Variants in OSBP2 observed in about 807,000 individuals in gnomAD.
The protein encoded by OSBP2 is oxysterol-binding protein 2.
A neutral mutation model predicts 96.0 loss-of-function variants in OSBP2; 66 were observed. The observed-to-expected ratio is 0.69, with a 90% CI of 0.56 to 0.84. The LOEUF is 0.84. OSBP2 is among the 40% of genes least tolerant of loss of function. The pLI, the probability that OSBP2 is intolerant of heterozygous loss-of-function variation, is 0.00. For missense variants in OSBP2, 1,038 were observed against 1,222.7 expected (o/e 0.85, Z 2.25); for synonymous variants, 525 against 520.9 (o/e 1.01, Z -0.11).
At chr22:30,770,850 G>T (rs1337045674) in intron 2 of OSBP2, among the ~76,000 whole-genome samples, 1 of 152,186 alleles carries the variant, frequency 6.6e-6, no homozygotes, top group African/African-American at 2.4e-5. Flanking sequence ...GCCATCTCTG[G>T]CTCCAGCTTC....
At chr22:30,826,879 G>A (rs901670280) in intron 2 of OSBP2, among the ~76,000 whole-genome samples, 3 of 152,150 alleles carry the variant, frequency 2.0e-5, no homozygotes, top group African/African-American at 7.2e-5. Context: ...ACTCAGGCTG[G>A]AGTCTTTCCT....
intron 3 of OSBP2, among the ~76,000 whole-genome samples, chr22:30,885,094 T>A (rs2039782081): frequency 6.6e-6 from 1 of 152,138 alleles, no homozygotes; most frequent in Admixed American, 6.5e-5. Flanking sequence ...CCACATCACC[T>A]CCTGATATTT....
chr22:30,768,864 C>T (rs192002194), intron 2 of OSBP2, among the ~76,000 whole-genome samples: 30 of 152,280 alleles, frequency 2.0e-4, no homozygotes, highest in African/African-American at 6.3e-4. Flanking sequence ...AGGTGTTAAC[C>T]TTCACGTGGA....
At chr22:30,855,744 A>C (rs947210652) in intron 2 of OSBP2, among the ~76,000 whole-genome samples, 9 of 152,136 alleles carry the variant, frequency 5.9e-5, no homozygotes, top group Admixed American at 5.9e-4. Flanking sequence ...CCACAGGGTG[A>C]CCTATTTAAG....
rs113757053 is a variant in OSBP2 at position 30,841,844 on chromosome 22, C to CA, written c.854-28576dup. 3.6e-3 allele frequency among the ~76,000 whole-genome samples: 547 copies of CA among 150,764 alleles called. 1 individual carries two copies. Among genetic ancestry groups the CA allele is most frequent in the African/African-American group, 0.011 (462 of 41,134 alleles). ...GAGAACTTGTCTGTACCAAAAACAA[C>CA]AAAAAAAAATAGCTGAGAGTTGTGG... On this transcript the variant is annotated intron_variant, in intron 2 of 13. Coordinates refer to ENST00000332585, the MANE Select transcript of OSBP2 (RefSeq NM_030758.4).
At chr22:30,705,729 CAGTG>C (rs1434696328) in intron 1 of OSBP2, among the ~76,000 whole-genome samples, 2 of 152,176 alleles carry the variant, frequency 1.3e-5, no homozygotes, top group Non-Finnish European at 2.9e-5. Flanking sequence ...ACGTTTGTGA[CAGTG>C]AGCCTGCACT....
chr22:30,703,613 G>T (rs975247043), intron 1 of OSBP2, among the ~76,000 whole-genome samples: 3 of 151,618 alleles, frequency 2.0e-5, no homozygotes, highest in Non-Finnish European at 4.4e-5. Flanking sequence ...GTAGCTGGGA[G>T]TACAGTCACC....
chr22:30,859,100 C>T (rs542883027), intron 2 of OSBP2, among the ~76,000 whole-genome samples: 2 of 152,086 alleles, frequency 1.3e-5, no homozygotes, highest in East Asian at 1.9e-4. Context: ...TCTCAGCTTG[C>T]GCTCCAGCAT....
chr22:30,697,621 A>G (rs1470588101), intron 1 of OSBP2, among the ~76,000 whole-genome samples: 1 of 152,182 alleles, frequency 6.6e-6, no homozygotes, highest in Non-Finnish European at 1.5e-5. Flanking sequence ...GGTAACTAAG[A>G]AAAATTCTTA....
In OSBP2 at chr22:30,895,916, AG is replaced by A. The variant is rs201864907; in HGVS notation, c.2375+1917del. Among the ~76,000 whole-genome samples, 1,219 of 146,408 alleles carry A rather than the reference AG, an allele frequency of 8.3e-3. 5 individuals are homozygous for A. The highest frequency in any genetic ancestry group is 0.018 in the Middle Eastern group (5 of 284). On this transcript the variant is annotated intron_variant, in intron 12 of 13. Coordinates refer to ENST00000332585, the MANE Select transcript of OSBP2 (RefSeq NM_030758.4). ...TCGTGCCACTGCACTCTAGCCTGGGAGGAAAAAAAAAAATGAAAACAGTATT... is the reference window on the plus strand; with the variant it reads ...TCGTGCCACTGCACTCTAGCCTGGGAGAAAAAAAAAAATGAAAACAGTATT...
intron 5 of OSBP2, 57 bp from the exon 6 acceptor site, chr22:30,889,120 G>C: frequency 6.7e-7 from 1 of 1,493,104 alleles, no homozygotes. Context: ...GGATGGGCCA[G>C]GTCCCAAGGA....
At chr22:30,776,856 AC>A (rs1350808846) in intron 2 of OSBP2, among the ~76,000 whole-genome samples, 2 of 152,212 alleles carry the variant, frequency 1.3e-5, no homozygotes, top group East Asian at 3.8e-4. Context: ...GACCATGGGA[AC>A]CCACCTCTTG....
chr22:30,890,984 T>C lies in OSBP2; in HGVS notation c.1869+11T>C, dbSNP rs374186797. On this transcript the variant is annotated intron_variant, in intron 8 of 13. Coordinates refer to ENST00000332585, the MANE Select transcript of OSBP2 (RefSeq NM_030758.4). This position sits in a 1 kb window ranked among gnomAD's most constrained non-coding sequence, Gnocchi z 4.4. ...TCCCTCTGTGAGCAGGTGAGGGGGCTAGGCTGGCACTGGGTGGCGCCCACC... is the reference window on the plus strand; with the variant it reads ...TCCCTCTGTGAGCAGGTGAGGGGGCCAGGCTGGCACTGGGTGGCGCCCACC... 4.4e-6 allele frequency: 7 copies of C among 1,601,590 alleles called. No homozygotes were observed. The East Asian group carries it at 1.6e-4, about 36-fold the overall frequency.
At chr22:30,821,583 G>A (rs12169136) in intron 2 of OSBP2, among the ~76,000 whole-genome samples, 1 of 152,106 alleles carries the variant, frequency 6.6e-6, no homozygotes. Flanking sequence ...ATGGGGGATG[G>A]GGGTGCGGGG....
Position 30,906,471 on chromosome 22 carries a change from T to G in OSBP2, c.*132T>G. On this transcript the variant is annotated 3_prime_UTR_variant, in exon 14 of 14. Coordinates refer to ENST00000332585, the MANE Select transcript of OSBP2 (RefSeq NM_030758.4). ...CTTCCTATTTCCTTTCCTATTTTTTTTTTCTCCCCACACTTTCTTGGGACT... is the reference window on the plus strand; with the variant it reads ...CTTCCTATTTCCTTTCCTATTTTTTGTTTCTCCCCACACTTTCTTGGGACT... 8.6e-7 allele frequency: 1 copy of G among 1,163,094 alleles called. No individual in the cohort carries two copies. Among genetic ancestry groups the G allele is most frequent in the Non-Finnish European group, 1.1e-6 (1 of 871,786 alleles). The allele number at this position is 1,163,094 out of a possible 1,614,324, so 72.0% of individuals were successfully genotyped here.
chr22:30,810,174 A>G (rs1005380253), intron 2 of OSBP2, among the ~76,000 whole-genome samples: 1 of 152,046 alleles, frequency 6.6e-6, no homozygotes, highest in Non-Finnish European at 1.5e-5. Context: ...AGACGATGGG[A>G]GAGAGGACTG....
chr22:30,850,499 T>G (rs912082864), intron 2 of OSBP2, among the ~76,000 whole-genome samples: 1 of 152,086 alleles, frequency 6.6e-6, no homozygotes, highest in African/African-American at 2.4e-5. Context: ...TTTTGGCTAT[T>G]CTTCATCCTT....
At chr22:30,904,743 C>T (rs2040291568) in intron 12 of OSBP2, among the ~76,000 whole-genome samples, 1 of 152,134 alleles carries the variant, frequency 6.6e-6, no homozygotes, top group Admixed American at 6.5e-5. Context: ...CAAAAACTGC[C>T]CATATACTGG....
chr22:30,723,693 C>T (rs2089592635), intron 1 of OSBP2, among the ~76,000 whole-genome samples: 1 of 152,186 alleles, frequency 6.6e-6, no homozygotes, highest in Non-Finnish European at 1.5e-5. Context: ...GGATTACAGG[C>T]ATGACCCACC....
Sources: gnomAD v4.1 joint callset for allele counts (sites outside exome capture counted in the v4.1 genomes callset) on GRCh38, gnomAD v4.1.1 for gene constraint, Gnocchi (gnomAD v3.1) non-coding constraint, MANE v1.5 for transcripts, NCBI Gene and HGNC (gene_info 2026-07-23, HGNC 2026-07-21) for gene names.